LUZP2: variants seen among roughly 807,000 people sequenced by gnomAD.
LUZP2 encodes leucine zipper protein 2.
LUZP2 carries 52 observed loss-of-function variants against 51.6 expected under a neutral mutation model. The ratio of observed to expected loss-of-function variants is 1.01; its 90% CI spans 0.81 to 1.27. LUZP2 has a LOEUF of 1.27. Ranked by LOEUF, LUZP2 falls within the 50% of genes most tolerant of loss-of-function variation. The pLI, the probability that LUZP2 is intolerant of heterozygous loss-of-function variation, is 0.00. For missense variants in LUZP2, 436 were observed against 395.4 expected (o/e 1.10, Z -0.87); for synonymous variants, 154 against 137.3 (o/e 1.12, Z -0.85).
chr11:24,512,768 G>A (rs962331043), intron 1 of LUZP2, among the ~76,000 whole-genome samples: 1 of 146,376 alleles, frequency 6.8e-6, no homozygotes, highest in Non-Finnish European at 1.5e-5. Context: ...TTTTTTTTTG[G>A]AGATGGAGTC....
intron 1 of LUZP2, among the ~76,000 whole-genome samples, chr11:24,660,333 T>A (rs1016903050): frequency 1.3e-5 from 2 of 152,200 alleles, no homozygotes; most frequent in African/African-American, 2.4e-5. Context: ...ATGATTTTAA[T>A]GTGCTGAGGA....
At position 24,976,575 on chromosome 11, in the gene LUZP2, A is replaced by C. The variant is rs1246980683; in HGVS notation, c.523-16A>C. On this transcript the variant is annotated splice_polypyrimidine_tract_variant and intron_variant, in intron 7 of 11. Transcript: ENST00000336930. ...ATTGCAGAATTTATCTAGAAGATTT[A>C]TCTCTTATTTTACAGGCGCAGCAGC... 1.9e-6 allele frequency: 3 copies of C among 1,558,944 alleles called. No individual in the cohort carries two copies. Among genetic ancestry groups the C allele is most frequent in the East Asian group, 2.3e-5 (1 of 43,074 alleles).
chr11:24,785,240 T>C (rs1382543811), intron 5 of LUZP2, among the ~76,000 whole-genome samples: 1 of 152,102 alleles, frequency 6.6e-6, no homozygotes, highest in Non-Finnish European at 1.5e-5. Flanking sequence ...TAGTTTTTAC[T>C]AATGAGGCTG....
At chr11:24,629,795 A>C (rs1854815650) in intron 1 of LUZP2, among the ~76,000 whole-genome samples, 1 of 151,772 alleles carries the variant, frequency 6.6e-6, no homozygotes. Flanking sequence ...AGGTTATATT[A>C]ATTTATTTTC....
intron 9 of LUZP2, among the ~76,000 whole-genome samples, chr11:25,005,569 C>G (rs1448525753): frequency 1.3e-5 from 2 of 152,042 alleles, no homozygotes; most frequent in Non-Finnish European, 2.9e-5. Context: ...CAGGGTGAAC[C>G]TGTTGATGCC....
At chr11:24,514,848 G>C (rs918671607) in intron 1 of LUZP2, among the ~76,000 whole-genome samples, 1 of 152,160 alleles carries the variant, frequency 6.6e-6, no homozygotes, top group African/African-American at 2.4e-5. Context: ...AAGCGGCCTG[G>C]CTCAAGGAAA....
intron 9 of LUZP2, among the ~76,000 whole-genome samples, chr11:25,023,333 C>G (rs941113386): frequency 1.6e-4 from 25 of 152,008 alleles, no homozygotes; most frequent in Admixed American, 5.9e-4. Flanking sequence ...TGTTATTGGT[C>G]TATTCGGGGA....
At chr11:24,534,295 A>G (rs2133830671) in intron 1 of LUZP2, among the ~76,000 whole-genome samples, 1 of 151,442 alleles carries the variant, frequency 6.6e-6, no homozygotes, top group South Asian at 2.1e-4. Flanking sequence ...ATATATACAT[A>G]CATAGAGAGC....
chr11:25,014,855 A>G (rs372437021), intron 9 of LUZP2, among the ~76,000 whole-genome samples: 9 of 142,202 alleles, frequency 6.3e-5, no homozygotes, highest in African/African-American at 1.5e-4. Context: ...TATTGCCTAG[A>G]TTTTCTTCTA....
chr11:24,882,862 G>T (rs1852520756), intron 5 of LUZP2, among the ~76,000 whole-genome samples: 2 of 132,928 alleles, frequency 1.5e-5, no homozygotes, highest in Middle Eastern at 4.0e-3. Context: ...AAAGATAAAA[G>T]GAAGAAAGAA....
intron 1 of LUZP2, among the ~76,000 whole-genome samples, chr11:24,588,475 A>G (rs1853147013): frequency 6.6e-6 from 1 of 152,106 alleles, no homozygotes. Context: ...AATGTAGACA[A>G]AGGCAAAAGT....
intron 9 of LUZP2, among the ~76,000 whole-genome samples, chr11:25,014,941 A>T (rs1026872870): frequency 3.3e-5 from 5 of 152,188 alleles, no homozygotes; most frequent in Non-Finnish European, 7.3e-5. Context: ...GGTGTAAGGA[A>T]GGGATCCAGT....
At chr11:24,682,268 G>A (rs919952989) in intron 1 of LUZP2, among the ~76,000 whole-genome samples, 4 of 151,978 alleles carry the variant, frequency 2.6e-5, no homozygotes, top group African/African-American at 9.7e-5. Context: ...ACCTAGGTGG[G>A]CAAATCACTT....
At chr11:24,703,744 G>T (rs545888038) in intron 1 of LUZP2, among the ~76,000 whole-genome samples, 6 of 151,744 alleles carry the variant, frequency 4.0e-5, no homozygotes, top group East Asian at 1.9e-4. Context: ...CAGGAGAATC[G>T]CTTGAACCTG....
chr11:24,609,461 C>G (rs1854042942), intron 1 of LUZP2, among the ~76,000 whole-genome samples: 1 of 152,050 alleles, frequency 6.6e-6, no homozygotes, highest in Admixed American at 6.6e-5. Context: ...GGCGGTGGCT[C>G]ACTTCTGTAA....
chr11:24,627,464 A>T (rs1353389497), intron 1 of LUZP2, among the ~76,000 whole-genome samples: 1 of 152,202 alleles, frequency 6.6e-6, no homozygotes, highest in Non-Finnish European at 1.5e-5. Flanking sequence ...GTATACCAAA[A>T]ATGGAGACCC....
chr11:24,624,143 A>G (rs1854601933), intron 1 of LUZP2, among the ~76,000 whole-genome samples: 1 of 152,146 alleles, frequency 6.6e-6, no homozygotes, highest in Non-Finnish European at 1.5e-5. Context: ...AATAAGAAGA[A>G]TTTTCCAGGT....
chr11:24,684,023 C>T (rs944242200), intron 1 of LUZP2, among the ~76,000 whole-genome samples: 1 of 152,030 alleles, frequency 6.6e-6, no homozygotes, highest in African/African-American at 2.4e-5. Context: ...TTAGTCAAAC[C>T]TTGTGAAATA....
At chr11:24,615,313 G>A (rs758740975) in intron 1 of LUZP2, among the ~76,000 whole-genome samples, 1 of 151,428 alleles carries the variant, frequency 6.6e-6, no homozygotes, top group East Asian at 1.9e-4. Context: ...CCTTACCTAT[G>A]AATGCCAGTT....
Sources: gnomAD v4.1 joint callset for allele counts (sites outside exome capture counted in the v4.1 genomes callset) on GRCh38, gnomAD v4.1.1 for gene constraint, MANE v1.5 for transcripts, NCBI Gene and HGNC (gene_info 2026-07-23, HGNC 2026-07-21) for gene names.